The following BRAT1 variants were observed in gnomAD, a reference collection of about 807,000 sequenced individuals.
The protein encoded by BRAT1 is integrator complex assembly factor BRAT1.
BRAT1 carries 74 observed loss-of-function variants against 70.6 expected under a neutral mutation model. The ratio of observed to expected loss-of-function variants is 1.05; its 90% confidence interval spans 0.87 to 1.27. The LOEUF (loss-of-function observed/expected upper bound fraction) is 1.27. BRAT1 is among the 50% of genes most tolerant of loss of function. BRAT1 has a pLI of 0.00. For missense variants in BRAT1, 1,203 were observed against 1,098.2 expected, an observed-to-expected ratio of 1.10 and a Z score of -1.35; for synonymous variants, 615 against 517.1, an observed-to-expected ratio of 1.19 and a Z score of -2.57.
Position 2,543,548 on chromosome 7 carries a change from G to A in BRAT1, c.803+42C>T, listed in dbSNP as rs1779348542. Reference sequence around the variant, plus strand: ...CCCTGGGCGTTATCCGAGGAAAACAGTTGCCCACCCAGGCCCCCCAGCTGC... The same window carrying A: ...CCCTGGGCGTTATCCGAGGAAAACAATTGCCCACCCAGGCCCCCCAGCTGC... On this transcript the variant is annotated intron_variant, in intron 5 of 13. Transcript: ENST00000340611. The surrounding 1 kb of genome is among the most constrained non-coding windows in gnomAD (Gnocchi z 5.5). 1.3e-6 allele frequency: 2 copies of A among 1,500,322 alleles called. No homozygotes were observed. Among genetic ancestry groups the A allele is most frequent in the Non-Finnish European group, 1.8e-6 (2 of 1,125,038 alleles). The allele number at this position is 1,500,322 out of a possible 1,614,324, so 92.9% of individuals were successfully genotyped here. A position where few individuals can be genotyped will look rare whatever the true frequency, so the allele number is the denominator to read the frequency against.
At position 2,537,847 on chromosome 7, in the gene BRAT1, A is replaced by C; in HGVS notation, c.*222T>G. Reference sequence around the variant, plus strand: ...TCATTATTATTAAATTAACTCAAAAAGGGTTAAAGAAAGACTTCAATGCCA... The same window carrying C: ...TCATTATTATTAAATTAACTCAAAACGGGTTAAAGAAAGACTTCAATGCCA... On this transcript the variant is annotated 3_prime_UTR_variant, in exon 14 of 14. Transcript: ENST00000340611. 1.6e-6 allele frequency: 1 copy of C among 642,120 alleles called. No homozygotes were observed. The highest frequency in any genetic ancestry group is 2.3e-6 in the Non-Finnish European group (1 of 431,560). 39.8% of individuals were successfully genotyped at this position (642,120 alleles called of 1,614,324 possible).
chr7:2,544,847 A>G, intron 4 of BRAT1, 62 bp downstream of exon 4: 1 of 1,534,528 alleles, frequency 6.5e-7, no homozygotes, highest in East Asian at 2.5e-5. Flanking sequence ...AGCAAGGTGC[A>G]GTGAATTCCC....
rs143963658 is a variant in BRAT1, at chr7:2,538,346, A to G, written c.2189T>C (p.Ile730Thr). 1.5e-5 allele frequency: 25 copies of G among 1,613,268 alleles called. No individual in the cohort carries two copies. Among genetic ancestry groups the G allele is most frequent in the Non-Finnish European group, 2.0e-5 (24 of 1,179,924 alleles). Residue 730 changes from isoleucine (I) to threonine (T), a missense_variant, in exon 14 of 14, where the codon ATT (isoleucine) becomes ACT (threonine). Physicochemically the swap from Ile to Thr is moderately conservative, Grantham distance 89. Transcript: ENST00000340611. The part of the protein sequence containing the change: ...CDLLLFLRDK[I>T]ASYSSLREAR... The stretch of plus-strand genomic sequence containing the variant: ...CTCCCGCAGGCTGCTGTAGGAAGCA[A>G]TCTTGTCCCTCAGGAAGAGAAGGAG...
At position 2,542,172 on chromosome 7, in the gene BRAT1, GAGA is replaced by G; in HGVS notation, c.960_962del (p.Leu321del). ...CCTTCAGGACACAGGCCAGGGGCTG[GAGA>G]AGGACCTGGAAGGCCTGGGTCCTCA... On this transcript the variant is annotated inframe_deletion, in exon 7 of 14. Transcript: ENST00000340611. 6.4e-7 allele frequency: 1 copy of G among 1,571,850 alleles called. No individual in the cohort carries two copies. The highest frequency in any genetic ancestry group is 8.6e-7 in the Non-Finnish European group (1 of 1,158,462).
At position 2,543,701 on chromosome 7, in the gene BRAT1, G is replaced by C; in HGVS notation, c.692C>G (p.Pro231Arg). Residue 231 changes from proline to arginine, a missense_variant, in exon 5 of 14, where the codon CCC becomes CGC. Coordinates refer to ENST00000340611, the MANE Select transcript of BRAT1 (RefSeq NM_152743.4). This position sits in a 1 kb window ranked among gnomAD's most constrained non-coding sequence, Gnocchi z 5.5. ...LTTTFGRCQS[P>R]WTEALWVRLS... ...CCGCACCCACAGGGCTTCCGTCCAG[G>C]GGCTCTGGCAGCGCCCGAAGGTCGT... 1 of 1,577,238 alleles carries C rather than the reference G, an allele frequency of 6.3e-7. No homozygotes were observed. Among genetic ancestry groups the C allele is most frequent in the Non-Finnish European group, 8.7e-7 (1 of 1,155,732 alleles).
At position 2,543,995 on chromosome 7, in the gene BRAT1, G is replaced by C. The variant is rs763374819; in HGVS notation, c.431-33C>G. On this transcript the variant is annotated intron_variant, in intron 4 of 13. Coordinates refer to ENST00000340611, the MANE Select transcript of BRAT1 (RefSeq NM_152743.4). This position sits in a 1 kb window ranked among gnomAD's most constrained non-coding sequence, Gnocchi z 5.5. ...GGGGATGGGGGAAGAGAGGGAAAAG[G>C]GGGTGAGCCAGAATAGAGCTGGGGG... is the stretch of plus-strand genomic sequence containing the variant. The C allele has an allele frequency of 1.3e-6, 2 of 1,521,204 alleles. No individual in the cohort carries two copies. The highest frequency in any genetic ancestry group is 1.8e-6 in the Non-Finnish European group (2 of 1,128,402). The allele number at this position is 1,521,204 out of a possible 1,614,324, so 94.2% of individuals were successfully genotyped here. A position where few individuals can be genotyped will look rare whatever the true frequency, so the allele number is the denominator to read the frequency against.
chr7:2,549,982 G>A (rs1170102768), intron 2 of BRAT1, among the ~76,000 whole-genome samples: 1 of 151,822 alleles, frequency 6.6e-6, no homozygotes, highest in African/African-American at 2.4e-5. Flanking sequence ...GCAACGTGGT[G>A]AAACCCCGTC....
In BRAT1 at chr7:2,541,818, G is replaced by C. The variant is rs1416799415; in HGVS notation, c.1034C>G (p.Ala345Gly). 6.2e-7 allele frequency: 1 copy of C among 1,612,840 alleles called. No homozygotes were observed. Among genetic ancestry groups the C allele is most frequent in the East Asian group, 2.2e-5 (1 of 44,880 alleles). The change falls in exon 8 of 14, where the codon GCA becomes GGA. Residue 345 changes from alanine to glycine, a missense_variant. Physicochemically the swap from Ala to Gly is moderately conservative, Grantham distance 60. Transcript: ENST00000340611. ...TGTGTCCACCGTCGTGGCATCGTCT[G>C]CCGTCCCGTCCAGCAAGCCTGGGGG... Reference protein sequence around the residue: ...PGPPGLLDGTADDATTVDTLL... With the variant: ...PGPPGLLDGTGDDATTVDTLL...
intron 3 of BRAT1, among the ~76,000 whole-genome samples, chr7:2,545,983 AC>A (rs1779580112): frequency 6.6e-6 from 1 of 152,212 alleles, no homozygotes; most frequent in Non-Finnish European, 1.5e-5. Flanking sequence ...CCTTCGCACA[AC>A]CTGGCGAGGG....
chr7:2,551,140 T>C (rs968704217), intron 2 of BRAT1, among the ~76,000 whole-genome samples: 5 of 151,450 alleles, frequency 3.3e-5, no homozygotes, highest in African/African-American at 1.2e-4. Flanking sequence ...CTCAGGAGGC[T>C]GAGGCAGGAG....
At chr7:2,552,016 G>A (rs189581135) in intron 2 of BRAT1, among the ~76,000 whole-genome samples, 1 of 129,360 alleles carries the variant, frequency 7.7e-6, no homozygotes, top group East Asian at 2.4e-4. Flanking sequence ...TAAAACCAAA[G>A]TACTGCAATG....
At chr7:2,545,832 CG>C (rs1374753405) in intron 3 of BRAT1, among the ~76,000 whole-genome samples, 2 of 152,166 alleles carry the variant, frequency 1.3e-5, no homozygotes. Flanking sequence ...CAAGGGCCCC[CG>C]GATTCACTGT....
At chr7:2,548,087 C>T (rs1314174809) in intron 2 of BRAT1, among the ~76,000 whole-genome samples, 1 of 136,526 alleles carries the variant, frequency 7.3e-6, no homozygotes, top group Non-Finnish European at 1.5e-5. Context: ...GAGCGAGACT[C>T]CATTCCAAAA....
rs371344320 is a variant in BRAT1 at position 2,552,378 on chromosome 7, A to G, written c.127+1927T>C. ...AGTGATCTGCCTGCCTCAGCCTCCC[A>G]AAGTGCTGGGATTATAGGCATGAAC... On this transcript the variant is annotated intron_variant, in intron 2 of 13. Coordinates refer to ENST00000340611, the MANE Select transcript of BRAT1 (RefSeq NM_152743.4). Among the ~76,000 whole-genome samples the G allele has an allele frequency of 2.3e-4, 35 of 151,306 alleles. 1 individual carries two copies. The East Asian group carries it at 5.8e-3, about 25-fold the overall frequency.
At chr7:2,539,093 T>C in intron 13 of BRAT1, 86 bp downstream of exon 13, 1 of 1,510,346 alleles carries the variant, frequency 6.6e-7, no homozygotes, top group Non-Finnish European at 8.8e-7. Context: ...CCACGCTGCA[T>C]GCTGGCCGCT....
chr7:2,550,489 A>C (rs1239701236), intron 2 of BRAT1, among the ~76,000 whole-genome samples: 3 of 148,538 alleles, frequency 2.0e-5, no homozygotes, highest in Non-Finnish European at 3.0e-5. Context: ...AACAAAAAAA[A>C]AAAAAGAAAG....
chr7:2,540,602 G>C (rs1779067768), intron 10 of BRAT1: 1 of 205,258 alleles, frequency 4.9e-6, no homozygotes, highest in African/African-American at 2.3e-5. Context: ...GTCTGTACCT[G>C]CCAGGGCCCA....
intron 2 of BRAT1, among the ~76,000 whole-genome samples, chr7:2,549,209 A>G (rs1183920026): frequency 1.3e-5 from 2 of 152,106 alleles, no homozygotes; most frequent in Non-Finnish European, 2.9e-5. Flanking sequence ...GTAGCCACTG[A>G]AGAACACAAA....
At chr7:2,554,281 T>G in intron 2 of BRAT1, 24 bp downstream of exon 2, 1 of 1,611,442 alleles carries the variant, frequency 6.2e-7, no homozygotes, top group African/African-American at 1.3e-5. Context: ...GGATAGGCAG[T>G]AAACAGCAGC....
Sources: gnomAD v4.1 joint callset for allele counts (sites outside exome capture counted in the v4.1 genomes callset) on GRCh38, gnomAD v4.1.1 for gene constraint, Gnocchi (gnomAD v3.1) non-coding constraint, MANE v1.5 for transcripts, NCBI Gene and HGNC (gene_info 2026-07-23, HGNC 2026-07-21) for gene names.